PPT1: variants seen among roughly 807,000 people sequenced by gnomAD.
PPT1 encodes ceroid-palmitoyl-palmitoyl-protein thioesterase 1.
PPT1 carries 24 observed loss-of-function variants against 44.0 expected under a neutral mutation model. The ratio of observed to expected loss-of-function variants is 0.54; its 90% confidence interval spans 0.39 to 0.77. PPT1 has a LOEUF of 0.77. PPT1 is among the 30% of genes least tolerant of loss of function. The pLI is 0.00. For synonymous variants in PPT1, 148 were observed against 140.2 expected, an observed-to-expected ratio of 1.06 and a Z score of -0.39; for missense variants, 341 against 378.8, an observed-to-expected ratio of 0.90 and a Z score of 0.83.
At position 40,092,380 on chromosome 1, in the gene PPT1, A is replaced by G. The variant is rs372965402; in HGVS notation, c.234+18T>C. The G allele has an allele frequency of 3.2e-5, 50 of 1,572,864 alleles. No individual in the cohort carries two copies. Among genetic ancestry groups the G allele is most frequent in the Middle Eastern group, 1.7e-4 (1 of 6,012 alleles). ...TCAGTCAGCAACCCTTCAAAGGAAC[A>G]GCTGTGAAGCGCCTTACCTCCATCA... is the stretch of plus-strand genomic sequence containing the variant. On this transcript the variant is annotated intron_variant, in intron 2 of 8. Transcript: ENST00000642050.
rs370069880 is a variant in PPT1 at position 40,089,410 on chromosome 1, C to T, written c.536G>A (p.Arg179His). The part of the protein sequence containing the change: ...AGAYSKVVQE[R>H]LVQAEYWHDP... ...AATCTTTTCAGCTAACCATACATAC[C>T]GTTCCTGAACAACTTTGGAGTACGC... Residue 179 changes from arginine to histidine, a missense_variant and splice_region_variant, in exon 5 of 9, where the codon CGC becomes CAC. Transcript: ENST00000642050. 55 of 1,612,440 alleles carry T rather than the reference C, an allele frequency of 3.4e-5. No homozygotes were observed. The highest frequency in any genetic ancestry group is 4.6e-5 in the Non-Finnish European group (54 of 1,178,626).
intron 4 of PPT1, among the ~76,000 whole-genome samples, chr1:40,090,077 G>A (rs1649470815): frequency 6.6e-6 from 1 of 152,204 alleles, no homozygotes; most frequent in Admixed American, 6.5e-5. Context: ...GACACAGGCA[G>A]TTTGGCCCCA....
At chr1:40,077,229 A>G (rs3122425) in intron 7 of PPT1, among the ~76,000 whole-genome samples, 100,583 of 152,136 alleles carry the variant, frequency 0.66, 34,100 homozygotes, top group Non-Finnish European at 0.74. Flanking sequence ...TGTTTCCAAA[A>G]AGCTCCCAGT....
At chr1:40,094,128 G>C (rs1649721712) in intron 1 of PPT1, 3 of 571,594 alleles carry the variant, frequency 5.2e-6, no homozygotes, top group Non-Finnish European at 6.5e-6. Context: ...GGGGATATTT[G>C]GGGTGAACAG....
At chr1:40,083,904 G>A (rs954397908) in intron 5 of PPT1, among the ~76,000 whole-genome samples, 2 of 152,014 alleles carry the variant, frequency 1.3e-5, no homozygotes, top group Non-Finnish European at 2.9e-5. Flanking sequence ...AAAAATTAGT[G>A]GGGTGTAGTG....
intron 5 of PPT1, among the ~76,000 whole-genome samples, chr1:40,086,023 T>C (rs962256504): frequency 5.9e-5 from 9 of 152,054 alleles, no homozygotes; most frequent in Non-Finnish European, 8.8e-5. Context: ...AACTGGACAA[T>C]TGAGGAAAAG....
chr1:40,081,649 T>G (rs978448247), intron 5 of PPT1, among the ~76,000 whole-genome samples: 3 of 152,200 alleles, frequency 2.0e-5, no homozygotes, highest in Non-Finnish European at 2.9e-5. Context: ...CCTTTCGCCT[T>G]CCGCCATGAT....
intron 1 of PPT1, chr1:40,094,159 G>C (rs7533203): frequency 1.8e-6 from 1 of 561,514 alleles, no homozygotes; most frequent in Non-Finnish European, 3.3e-6. Context: ...TTCTCTTCAG[G>C]GCCAGGACTA....
chr1:40,086,780 A>C (rs1268135069), intron 5 of PPT1, among the ~76,000 whole-genome samples: 1 of 151,228 alleles, frequency 6.6e-6, no homozygotes, highest in Non-Finnish European at 1.5e-5. Flanking sequence ...GGAGAGAAAG[A>C]AGCAGCGACA....
chr1:40,071,519 G>A (rs752232856), downstream of PPT1: 3 of 1,612,282 alleles, frequency 1.9e-6, no homozygotes, highest in Admixed American at 5.0e-5. Context: ...CACAGTGACA[G>A]AAATTGCTGG....
rs746750426 is a variant in PPT1, at chr1:40,092,390, C to T, written c.234+8G>A. On this transcript the variant is annotated splice_region_variant and intron_variant, in intron 2 of 8. Coordinates refer to ENST00000642050, the MANE Select transcript of PPT1 (RefSeq NM_000310.4). ...ACCCTTCAAAGGAACAGCTGTGAAG[C>T]GCCTTACCTCCATCAGGGTCTTCCC... is the stretch of plus-strand genomic sequence containing the variant. 6.9e-6 allele frequency: 11 copies of T among 1,587,640 alleles called. No homozygotes were observed. The highest frequency in any genetic ancestry group is 3.3e-4 in the Middle Eastern group (2 of 6,018).
rs1649436304 is a variant in PPT1, at chr1:40,089,426, T to C, written c.520A>G (p.Lys174Glu). The change falls in exon 5 of 9, where the codon AAA becomes GAA. Residue 174 changes from lysine to glutamate, a missense_variant. By Grantham distance (56) the Lys-to-Glu change is moderately conservative. Coordinates refer to ENST00000642050, the MANE Select transcript of PPT1 (RefSeq NM_000310.4). Reference protein sequence around the residue: ...RKTLNAGAYSKVVQERLVQAE... With the variant: ...RKTLNAGAYSEVVQERLVQAE... ...CATACATACCGTTCCTGAACAACTT[T>C]GGAGTACGCCCCAGCATTCAGTGTT... The C allele has an allele frequency of 6.2e-7, 1 of 1,614,128 alleles. No individual in the cohort carries two copies. Among genetic ancestry groups the C allele is most frequent in the Non-Finnish European group, 8.5e-7 (1 of 1,179,976 alleles).
chr1:40,079,692 G>A (rs879465548), intron 6 of PPT1, among the ~76,000 whole-genome samples: 5 of 152,028 alleles, frequency 3.3e-5, no homozygotes, highest in Non-Finnish European at 7.4e-5. Flanking sequence ...CACCACGCCC[G>A]GCCTTCTATA....
At chr1:40,091,267 T>C (rs2124486674) in intron 4 of PPT1, 62 bp downstream of exon 4, 1 of 1,518,558 alleles carries the variant, frequency 6.6e-7, no homozygotes, top group South Asian at 1.1e-5. Context: ...TAGATTTTTT[T>C]TTAAATCAGG....
At position 40,092,462 on chromosome 1, in the gene PPT1, AT is replaced by A; in HGVS notation, c.169del (p.Met57TrpfsTer14). The A allele has an allele frequency of 6.2e-7, 1 of 1,613,830 alleles. No homozygotes were observed. ...AATTCCAGGTATTTTCTTCTCCACC[AT>A]TTTTTTAATAGCACCCATGCTTAAG... The part of the protein sequence containing the change: ...NPLSMGAIKK[M>X]VEKKIPGIYV... On this transcript the variant is annotated frameshift_variant, in exon 2 of 9. Transcript: ENST00000642050. LOFTEE classifies it high-confidence loss of function.
intron 1 of PPT1, among the ~76,000 whole-genome samples, chr1:40,096,463 G>A (rs1431082878): frequency 6.6e-6 from 1 of 152,178 alleles, no homozygotes; most frequent in African/African-American, 2.4e-5. Context: ...GTTTTTCAGC[G>A]CAGACATGAT....
chr1:40,092,433 C>A lies in PPT1; in HGVS notation c.199G>T (p.Val67Phe). ...MVEKKIPGIY[V>F]LSLEIGKTLM... ...GTCTTCCCAATCTCTAAAGATAAGA[C>A]GTAAATTCCAGGTATTTTCTTCTCC... The change falls in exon 2 of 9, where the codon GTC becomes TTC. Residue 67 changes from valine (V) to phenylalanine (F), a missense_variant. Transcript: ENST00000642050. The A allele has an allele frequency of 6.2e-7, 1 of 1,613,526 alleles. No homozygotes were observed. The highest frequency in any genetic ancestry group is 2.2e-5 in the East Asian group (1 of 44,880).
Position 40,089,494 on chromosome 1 carries a change from C to T in PPT1, c.452G>A (p.Arg151Gln), listed in dbSNP as rs779343776. 8 of 1,613,984 alleles carry T rather than the reference C, an allele frequency of 5.0e-6. No individual in the cohort carries two copies. Among genetic ancestry groups the T allele is most frequent in the Admixed American group, 3.3e-5 (2 of 60,008 alleles). The change falls in exon 5 of 9, where the codon CGA becomes CAA. Residue 151 changes from arginine to glutamine, a missense_variant. Physicochemically the swap from Arg to Gln is conservative, Grantham distance 43. Transcript: ENST00000642050. ...GATGTGAGAGCTCTCTCCTGGGCATCGAGGGAGTCCAAAAACACCTACAGT... is the reference window on the plus strand; with the variant it reads ...GATGTGAGAGCTCTCTCCTGGGCATTGAGGGAGTCCAAAAACACCTACAGT... ...GQHQGVFGLP[R>Q]CPGESSHICD...
chr1:40,074,451 C>G (rs1308039816), intron 8 of PPT1, among the ~76,000 whole-genome samples: 1 of 119,158 alleles, frequency 8.4e-6, no homozygotes, highest in African/African-American at 3.3e-5. Flanking sequence ...TTCTTCCTCT[C>G]TCTCTCTCTG....
Sources: gnomAD v4.1 joint callset for allele counts (sites outside exome capture counted in the v4.1 genomes callset) on GRCh38, gnomAD v4.1.1 for gene constraint, MANE v1.5 for transcripts, NCBI Gene and HGNC (gene_info 2026-07-23, HGNC 2026-07-21) for gene names.